CNTN5: variants seen among roughly 807,000 people sequenced by gnomAD.
CNTN5 encodes contactin 5.
In CNTN5, 77 loss-of-function variants were observed where a neutral mutation model predicts 129.1. The ratio of observed to expected loss-of-function variants is 0.60; its 90% CI spans 0.50 to 0.72. The LOEUF is 0.72. CNTN5 is among the 30% of genes least tolerant of loss of function. The pLI is 0.00. For synonymous variants in CNTN5, 509 were observed against 465.6 expected, an observed-to-expected ratio of 1.09 and a Z score of -1.20; for missense variants, 1,478 against 1,328.8, an observed-to-expected ratio of 1.11 and a Z score of -1.75.
At chr11:100,337,004 C>T (rs2139003523) in intron 21 of CNTN5, 4 of 815,260 alleles carry the variant, frequency 4.9e-6, no homozygotes, top group Non-Finnish European at 8.7e-6. Flanking sequence ...AACCCACACA[C>T]ATCTCAGCTG....
chr11:100,151,963 C>G (rs1947075508), intron 13 of CNTN5, among the ~76,000 whole-genome samples: 1 of 152,122 alleles, frequency 6.6e-6, no homozygotes, highest in South Asian at 2.1e-4. Flanking sequence ...AGACAGAATT[C>G]TCTCCTGATC....
At chr11:100,333,341 G>T (rs1438511217) in intron 21 of CNTN5, among the ~76,000 whole-genome samples, 1 of 133,132 alleles carries the variant, frequency 7.5e-6, no homozygotes, top group East Asian at 2.3e-4. Flanking sequence ...TGACCATACT[G>T]CCAAAAGCAA....
At chr11:99,114,652 T>A (rs1174452980) in intron 1 of CNTN5, among the ~76,000 whole-genome samples, 1 of 152,168 alleles carries the variant, frequency 6.6e-6, no homozygotes, top group East Asian at 1.9e-4. Flanking sequence ...TTTTAAAAAG[T>A]AAAATAGGCT....
At chr11:100,207,332 A>G (rs1272748034) in intron 15 of CNTN5, among the ~76,000 whole-genome samples, 2 of 152,182 alleles carry the variant, frequency 1.3e-5, no homozygotes, top group African/African-American at 4.8e-5. Context: ...ACCAACTAGC[A>G]TAAGCTAAGG....
intron 6 of CNTN5, among the ~76,000 whole-genome samples, chr11:99,884,545 G>C (rs1157803889): frequency 6.6e-6 from 1 of 152,164 alleles, no homozygotes; most frequent in Non-Finnish European, 1.5e-5. Context: ...CAGTGGCTGA[G>C]AATTCTCCAA....
chr11:99,120,646 G>A (rs981882362), intron 1 of CNTN5, among the ~76,000 whole-genome samples: 4 of 152,058 alleles, frequency 2.6e-5, no homozygotes, highest in African/African-American at 4.8e-5. Context: ...TCTATGTCCC[G>A]TTATCTCTGA....
intron 1 of CNTN5, among the ~76,000 whole-genome samples, chr11:99,113,895 A>G (rs1857915883): frequency 6.6e-6 from 1 of 152,158 alleles, no homozygotes. Flanking sequence ...TGTAACACTC[A>G]CCTAAGAATA....
intron 18 of CNTN5, among the ~76,000 whole-genome samples, chr11:100,272,426 A>G (rs987748405): frequency 1.3e-5 from 2 of 152,176 alleles, no homozygotes; most frequent in African/African-American, 4.8e-5. Context: ...AAAGCTTATA[A>G]TCATTAAAAT....
intron 3 of CNTN5, among the ~76,000 whole-genome samples, chr11:99,651,764 C>A (rs901890964): frequency 7.9e-5 from 12 of 151,900 alleles, no homozygotes; most frequent in Non-Finnish European, 1.6e-4. Flanking sequence ...TGTAAACTTT[C>A]TTTAACATGA....
intron 3 of CNTN5, among the ~76,000 whole-genome samples, chr11:99,796,081 G>C (rs942889452): frequency 2.0e-5 from 3 of 152,138 alleles, no homozygotes; most frequent in Admixed American, 2.0e-4. Flanking sequence ...TGCAATGTGG[G>C]TGGGGGGCAG....
chr11:99,468,458 C>T (rs1945031843), intron 2 of CNTN5, among the ~76,000 whole-genome samples: 1 of 152,156 alleles, frequency 6.6e-6, no homozygotes, highest in South Asian at 2.1e-4. Flanking sequence ...CTCTCACCCC[C>T]AACAATCCCT....
chr11:99,789,745 T>C (rs1457874491), intron 3 of CNTN5, among the ~76,000 whole-genome samples: 1 of 152,060 alleles, frequency 6.6e-6, no homozygotes, highest in Admixed American at 6.6e-5. Context: ...AAATAGAACA[T>C]GATTCCTTGA....
intron 1 of CNTN5, among the ~76,000 whole-genome samples, chr11:99,323,727 T>G (rs1289159778): frequency 1.3e-5 from 2 of 152,178 alleles, no homozygotes; most frequent in Non-Finnish European, 2.9e-5. Context: ...AATGAAGATG[T>G]GCTGTTTGCT....
intron 1 of CNTN5, among the ~76,000 whole-genome samples, chr11:99,156,052 C>G (rs137917227): frequency 8.7e-4 from 132 of 152,000 alleles, no homozygotes; most frequent in African/African-American, 3.1e-3. Flanking sequence ...AACCAAAAAA[C>G]AACCCCAAAA....
At chr11:100,092,776 G>A (rs1036709884) in intron 13 of CNTN5, among the ~76,000 whole-genome samples, 3 of 147,390 alleles carry the variant, frequency 2.0e-5, no homozygotes, top group Non-Finnish European at 3.0e-5. Context: ...TGTGTGTGCT[G>A]GGAGGCGGAG....
chr11:100,292,178 C>T (rs891538345), intron 18 of CNTN5, among the ~76,000 whole-genome samples: 2 of 151,974 alleles, frequency 1.3e-5, no homozygotes, highest in Non-Finnish European at 2.9e-5. Flanking sequence ...TGCTCTGGTA[C>T]TTTCCAGGTC....
At chr11:100,272,202 C>T (rs750259133) in intron 18 of CNTN5, among the ~76,000 whole-genome samples, 7 of 152,036 alleles carry the variant, frequency 4.6e-5, no homozygotes, top group Non-Finnish European at 1.0e-4. Context: ...ATGTTCACTG[C>T]CCTATACTGA....
intron 8 of CNTN5, among the ~76,000 whole-genome samples, chr11:99,975,333 G>A (rs1004254821): frequency 6.6e-6 from 1 of 152,174 alleles, no homozygotes; most frequent in Non-Finnish European, 1.5e-5. Flanking sequence ...CTTGCATGAG[G>A]CCTGTAGCCC....
intron 18 of CNTN5, among the ~76,000 whole-genome samples, chr11:100,289,062 G>A (rs575593984): frequency 2.4e-4 from 37 of 152,274 alleles, no homozygotes; most frequent in African/African-American, 8.9e-4. Flanking sequence ...AAGCCAGGGA[G>A]AGGTTGAATC....
Sources: gnomAD v4.1 joint callset for allele counts (sites outside exome capture counted in the v4.1 genomes callset) on GRCh38, gnomAD v4.1.1 for gene constraint, MANE v1.5 for transcripts, NCBI Gene and HGNC (gene_info 2026-07-23, HGNC 2026-07-21) for gene names.